Variants in FHOD3 observed in about 807,000 individuals in gnomAD.
FHOD3 encodes the protein formin homology 2 domain containing 3.
A neutral mutation model predicts 173.0 loss-of-function variants in FHOD3; 90 were observed. That is an observed-to-expected ratio of 0.52 (90% CI 0.44 to 0.62). FHOD3 has a LOEUF of 0.62. FHOD3 is among the 20% of genes least tolerant of loss of function. FHOD3 has a pLI of 0.00. For synonymous variants in FHOD3, 828 were observed against 823.0 expected (o/e 1.01, Z -0.10); for missense variants, 1,945 against 2,034.7 (o/e 0.96, Z 0.85).
chr18:36,410,551 C>T lies in FHOD3; in HGVS notation c.337+37807C>T, dbSNP rs2049304145. Among the ~76,000 whole-genome samples the T allele has an allele frequency of 2.2e-5, 3 of 137,690 alleles. No homozygotes were observed. The East Asian group carries it at 5.8e-4, about 27-fold the overall frequency. 90.3% of individuals were successfully genotyped at this position (137,690 alleles called of 152,430 possible). On this transcript the variant is annotated intron_variant, in intron 3 of 28. Coordinates refer to ENST00000590592, the MANE Select transcript of FHOD3 (RefSeq NM_001281740.3). ...GATCAGTTAGTAACTCGACATTTAG[C>T]GTTTTAAGGAACTGCCACATGATTT...
chr18:36,618,504 G>C (rs1382697554), intron 9 of FHOD3, among the ~76,000 whole-genome samples: 2 of 151,942 alleles, frequency 1.3e-5, no homozygotes, highest in Middle Eastern at 3.4e-3. Context: ...TAGAGACAGG[G>C]TTTCTCCATG....
intron 25 of FHOD3, 46 bp from the exon 26 acceptor site, chr18:36,759,072 T>G (rs1208113668): frequency 2.0e-6 from 3 of 1,533,996 alleles, no homozygotes; most frequent in Non-Finnish European, 2.6e-6. Context: ...CTTCTAAGAA[T>G]CCCTTCTGTC....
At chr18:36,688,390 G>A (rs568309192) in intron 16 of FHOD3, among the ~76,000 whole-genome samples, 5 of 152,338 alleles carry the variant, frequency 3.3e-5, no homozygotes, top group Admixed American at 2.0e-4. Context: ...GGGAAGAGTG[G>A]AGACTGCCTG....
chr18:36,594,947 T>C, intron 7 of FHOD3, 49 bp downstream of exon 7: 2 of 1,225,240 alleles, frequency 1.6e-6, no homozygotes, highest in Non-Finnish European at 2.4e-6. Context: ...GTGTCTAATG[T>C]AGGGAGGCTT....
chr18:36,316,105 G>A (rs1032250089), intron 1 of FHOD3, among the ~76,000 whole-genome samples: 1 of 151,040 alleles, frequency 6.6e-6, no homozygotes, highest in African/African-American at 2.4e-5. Context: ...CCACTTTCTC[G>A]GAGAGCCATT....
chr18:36,551,166 AT>A (rs1315893310), intron 5 of FHOD3, among the ~76,000 whole-genome samples: 2 of 152,126 alleles, frequency 1.3e-5, no homozygotes, highest in African/African-American at 4.8e-5. Context: ...TGAAATGATC[AT>A]TTTTTGTTTG....
At chr18:36,657,491 G>A (rs939252297) in intron 13 of FHOD3, among the ~76,000 whole-genome samples, 1 of 152,210 alleles carries the variant, frequency 6.6e-6, no homozygotes, top group South Asian at 2.1e-4. Flanking sequence ...TTTTGGTTCA[G>A]GGGAAATGTT....
chr18:36,310,457 G>A (rs1160770468), intron 1 of FHOD3, among the ~76,000 whole-genome samples: 1 of 152,096 alleles, frequency 6.6e-6, no homozygotes, highest in Non-Finnish European at 1.5e-5. Flanking sequence ...AGGTTGAGGT[G>A]GGTGGATCAC....
intron 5 of FHOD3, among the ~76,000 whole-genome samples, chr18:36,516,461 T>C (rs1379949702): frequency 6.6e-6 from 1 of 152,118 alleles, no homozygotes; most frequent in Non-Finnish European, 1.5e-5. Flanking sequence ...TCAGAGTGGC[T>C]CTGGAGTGGC....
chr18:36,755,458 T>G (rs551250160), intron 25 of FHOD3, 147 bp downstream of exon 25: 1 of 602,774 alleles, frequency 1.7e-6, no homozygotes, highest in Non-Finnish European at 2.6e-6. Flanking sequence ...TAAAAAGTGC[T>G]CTTAAAGTAC....
At chr18:36,622,087 A>G (rs942285881) in intron 9 of FHOD3, among the ~76,000 whole-genome samples, 2 of 152,218 alleles carry the variant, frequency 1.3e-5, no homozygotes, top group African/African-American at 4.8e-5. Flanking sequence ...CCAGTCACAG[A>G]AGGACAAATA....
intron 3 of FHOD3, among the ~76,000 whole-genome samples, chr18:36,437,726 C>G (rs190910015): frequency 7.0e-6 from 1 of 142,106 alleles, no homozygotes. Context: ...TGCAGTGGCA[C>G]GATGTCGGCT....
intron 3 of FHOD3, among the ~76,000 whole-genome samples, chr18:36,375,412 C>T (rs969243266): frequency 6.6e-6 from 1 of 152,214 alleles, no homozygotes; most frequent in African/African-American, 2.4e-5. Flanking sequence ...GACGTTCCTT[C>T]CACCCACGAT....
At chr18:36,469,698 A>C (rs1205452944) in intron 3 of FHOD3, among the ~76,000 whole-genome samples, 2 of 151,926 alleles carry the variant, frequency 1.3e-5, no homozygotes, top group Admixed American at 6.6e-5. Context: ...AGGCCTCATC[A>C]CCTTTGGTTG....
At chr18:36,312,569 C>G (rs2092284994) in intron 1 of FHOD3, among the ~76,000 whole-genome samples, 1 of 152,222 alleles carries the variant, frequency 6.6e-6, no homozygotes, top group Admixed American at 6.5e-5. Context: ...CCCAAACCAA[C>G]TGAGAACCTC....
intron 3 of FHOD3, among the ~76,000 whole-genome samples, chr18:36,476,703 G>A (rs1033426321): frequency 8.5e-5 from 13 of 152,324 alleles, no homozygotes; most frequent in Admixed American, 7.8e-4. Context: ...GAATCTGGAA[G>A]CAAATTGAAT....
intron 3 of FHOD3, among the ~76,000 whole-genome samples, chr18:36,483,702 T>C (rs372907654): frequency 2.2e-4 from 33 of 152,366 alleles, no homozygotes; most frequent in African/African-American, 6.7e-4. Flanking sequence ...TGGATGTATG[T>C]GCCTCTGCAA....
At chr18:36,568,664 A>G (rs1379603305) in intron 5 of FHOD3, among the ~76,000 whole-genome samples, 3 of 152,252 alleles carry the variant, frequency 2.0e-5, no homozygotes, top group Non-Finnish European at 4.4e-5. Context: ...AACTGATATT[A>G]GAGCCACAGA....
intron 5 of FHOD3, among the ~76,000 whole-genome samples, chr18:36,531,298 C>T (rs2056768504): frequency 6.6e-6 from 1 of 152,180 alleles, no homozygotes; most frequent in Non-Finnish European, 1.5e-5. Flanking sequence ...GACCATGGCC[C>T]AGTGCCTGCA....
Sources: gnomAD v4.1 joint callset for allele counts (sites outside exome capture counted in the v4.1 genomes callset) on GRCh38, gnomAD v4.1.1 for gene constraint, MANE v1.5 for transcripts, NCBI Gene and HGNC (gene_info 2026-07-23, HGNC 2026-07-21) for gene names.